DNAH6: variants seen among roughly 807,000 people sequenced by gnomAD.
DNAH6 encodes dynein axonemal heavy chain 6, also known as axonemal beta dynein heavy chain 6.
In DNAH6, 340 loss-of-function variants were observed where a neutral mutation model predicts 491.4. The ratio of observed to expected loss-of-function variants is 0.69; its 90% confidence interval spans 0.63 to 0.76. The LOEUF (loss-of-function observed/expected upper bound fraction) is 0.76. Among genes scored for constraint, DNAH6 ranks in the 30% least tolerant of loss-of-function variants. The probability of loss-of-function intolerance (pLI) is 0.00; values close to 1 mark genes in which losing one functional copy is unlikely to be tolerated. For synonymous variants in DNAH6, 1,603 were observed against 1,686.1 expected, an observed-to-expected ratio of 0.95 and a Z score of 1.21; for missense variants, 4,443 against 4,972.2, an observed-to-expected ratio of 0.89 and a Z score of 3.20.
intron 65 of DNAH6, among the ~76,000 whole-genome samples, 165 bp downstream of exon 65, chr2:84,781,818 G>A (rs1276723515): frequency 6.6e-6 from 1 of 152,170 alleles, no homozygotes; most frequent in African/African-American, 2.4e-5. Context: ...CACAACCAGG[G>A]TTTGATAAAA....
chr2:84,526,826 T>G (rs907571128), intron 3 of DNAH6, among the ~76,000 whole-genome samples: 2 of 152,180 alleles, frequency 1.3e-5, no homozygotes, highest in Non-Finnish European at 2.9e-5. Context: ...CCAGGAAAGA[T>G]TTAATTGCCT....
chr2:84,552,254 C>T (rs989560227), intron 9 of DNAH6, among the ~76,000 whole-genome samples: 3 of 152,034 alleles, frequency 2.0e-5, no homozygotes, highest in Admixed American at 6.6e-5. Flanking sequence ...TCTGGTCTGC[C>T]GCCTACTAGC....
chr2:84,572,195 T>A (rs1485601653), intron 11 of DNAH6, among the ~76,000 whole-genome samples: 1 of 152,196 alleles, frequency 6.6e-6, no homozygotes, highest in Non-Finnish European at 1.5e-5. Flanking sequence ...ATGTGCCACA[T>A]GTCTGTAACT....
At chr2:84,689,571 C>T (rs1308669316) in intron 45 of DNAH6, among the ~76,000 whole-genome samples, 1 of 152,160 alleles carries the variant, frequency 6.6e-6, no homozygotes, top group East Asian at 1.9e-4. Flanking sequence ...CAAGACAGAG[C>T]CAGGCAGAAG....
chr2:84,575,102 T>C (rs1418165965), intron 12 of DNAH6, among the ~76,000 whole-genome samples: 1 of 152,180 alleles, frequency 6.6e-6, no homozygotes, highest in Non-Finnish European at 1.5e-5. Context: ...GAACCCCCAG[T>C]ACGTCCTAAA....
chr2:84,573,329 C>A, intron 11 of DNAH6, 138 bp from the exon 12 acceptor site: 1 of 600,418 alleles, frequency 1.7e-6, no homozygotes, highest in Non-Finnish European at 2.8e-6. Context: ...TATCTTTCTT[C>A]ATTCATGTTT....
intron 4 of DNAH6, among the ~76,000 whole-genome samples, chr2:84,543,016 G>A (rs1041120148): frequency 1.3e-5 from 2 of 152,026 alleles, no homozygotes; most frequent in East Asian, 3.9e-4. Context: ...AAAATTAGCC[G>A]GGCATAGTGG....
At chr2:84,486,974 G>T in the DNAH6 span, among the ~76,000 whole-genome samples, 4 of 152,120 alleles carry the variant, frequency 2.6e-5, no homozygotes, top group African/African-American at 7.2e-5. Context: ...AGCAAAAGAG[G>T]CTCTCTGATA....
At chr2:84,673,670 T>C (rs1243484379) in intron 40 of DNAH6, among the ~76,000 whole-genome samples, 2 of 152,174 alleles carry the variant, frequency 1.3e-5, no homozygotes, top group African/African-American at 4.8e-5. Flanking sequence ...TGGAGTCCGA[T>C]GTTCAAGGGC....
At chr2:84,580,489 T>C (rs1244825469) in intron 14 of DNAH6, among the ~76,000 whole-genome samples, 6 of 152,168 alleles carry the variant, frequency 3.9e-5, no homozygotes, top group Non-Finnish European at 8.8e-5. Flanking sequence ...GCATTTAAAA[T>C]ATAGATAAAT....
chr2:84,460,965 A>G, the DNAH6 span, among the ~76,000 whole-genome samples: 1 of 152,224 alleles, frequency 6.6e-6, no homozygotes, highest in Non-Finnish European at 1.5e-5. Context: ...GGACCCATTT[A>G]GGATTAAACA....
intron 27 of DNAH6, 31 bp downstream of exon 27, chr2:84,624,421 C>T (rs760606963): frequency 1.3e-6 from 2 of 1,548,906 alleles, no homozygotes; most frequent in South Asian, 2.4e-5. Flanking sequence ...AAATTATATA[C>T]TTCTTTCTGA....
At chr2:84,478,504 C>G in the DNAH6 span, among the ~76,000 whole-genome samples, 1 of 152,146 alleles carries the variant, frequency 6.6e-6, no homozygotes, top group Non-Finnish European at 1.5e-5. Flanking sequence ...AGGGGAGGTT[C>G]CATCTGCATT....
intron 4 of DNAH6, among the ~76,000 whole-genome samples, chr2:84,539,629 G>T (rs1678043191): frequency 6.6e-6 from 1 of 152,066 alleles, no homozygotes; most frequent in African/African-American, 2.4e-5. Flanking sequence ...AACACAGATG[G>T]TTAAACCCCT....
At chr2:84,550,177 A>C (rs1679189793) in intron 9 of DNAH6, 120 bp downstream of exon 9, 1 of 811,334 alleles carries the variant, frequency 1.2e-6, no homozygotes, top group Non-Finnish European at 1.8e-6. Context: ...TGCATAGAGC[A>C]GCGGCCCCCA....
In DNAH6 at chr2:84,784,816, G is replaced by A. The variant is rs1340878181; in HGVS notation, c.10953+6G>A. The stretch of plus-strand genomic sequence containing the variant: ...TTCTTCAAAATTCTGTCAAGGTAAT[G>A]TATGCATATGGTTGGAACAATGTGA... On this transcript the variant is annotated splice_donor_region_variant and intron_variant, in intron 66 of 76. Transcript: ENST00000389394. The A allele has an allele frequency of 6.6e-7, 1 of 1,516,940 alleles. No homozygotes were observed. Among genetic ancestry groups the A allele is most frequent in the Non-Finnish European group, 9.0e-7 (1 of 1,115,760 alleles). 94.0% of individuals were successfully genotyped at this position (1,516,940 alleles called of 1,614,324 possible). A position where few individuals can be genotyped will look rare whatever the true frequency, so the allele number is the denominator to read the frequency against.
chr2:84,673,103 G>A (rs966373736), intron 40 of DNAH6, among the ~76,000 whole-genome samples: 3 of 152,132 alleles, frequency 2.0e-5, no homozygotes, highest in Admixed American at 2.0e-4. Flanking sequence ...GGTTGAGGAT[G>A]GGAGAAGCCT....
intron 63 of DNAH6, among the ~76,000 whole-genome samples, chr2:84,757,484 C>T (rs903705450): frequency 2.1e-4 from 32 of 152,194 alleles, no homozygotes; most frequent in Non-Finnish European, 4.1e-4. Context: ...ATCTTCCATA[C>T]TCCTGCCATC....
intron 59 of DNAH6, among the ~76,000 whole-genome samples, chr2:84,720,156 C>T (rs538519640): frequency 6.6e-6 from 1 of 151,856 alleles, no homozygotes; most frequent in Admixed American, 6.6e-5. Context: ...TTTTTTCTGC[C>T]AGGGTGAGAA....
Sources: allele counts gnomAD v4.1 joint callset (sites outside exome capture counted in the v4.1 genomes callset), GRCh38; gene constraint gnomAD v4.1.1; transcripts MANE v1.5; gene names NCBI Gene and HGNC (gene_info 2026-07-23, HGNC 2026-07-21).